Variants in CACNG5 observed in about 807,000 individuals in gnomAD.
CACNG5 encodes the protein calcium voltage-gated channel auxiliary subunit gamma 5.
CACNG5 carries 18 observed loss-of-function variants against 24.8 expected under a neutral mutation model. The observed-to-expected ratio is 0.73, with a 90% CI of 0.50 to 1.08. The LOEUF is 1.08. Among genes scored for constraint, CACNG5 ranks in the 50% least tolerant of loss-of-function variants. The pLI is 0.00. For synonymous variants in CACNG5, 157 were observed against 149.1 expected (o/e 1.05, Z -0.39); for missense variants, 349 against 367.9 (o/e 0.95, Z 0.42).
chr17:66,838,960 CTT>C (rs71160595), intron 1 of CACNG5, among the ~76,000 whole-genome samples: 10 of 88,096 alleles, frequency 1.1e-4, no homozygotes, highest in African/African-American at 2.9e-4. Context: ...CTCACCCATT[CTT>C]TTTTTTTTTT....
chr17:66,840,317 G>A (rs917424717), intron 1 of CACNG5, among the ~76,000 whole-genome samples: 3 of 152,170 alleles, frequency 2.0e-5, no homozygotes, highest in East Asian at 1.9e-4. Context: ...GGAGGTCAGG[G>A]GAAGTTAAGC....
Position 66,880,640 on chromosome 17 carries a change from A to G in CACNG5, c.367A>G (p.Ile123Val). 1 of 1,614,102 alleles carries G rather than the reference A, an allele frequency of 6.2e-7. No homozygotes were observed. ...IGFILNNIGH[I>V]RPHRTILAFV... ...GTTTATCCTGAACAACATCGGACAC[A>G]TCCGTCCCCACCGGACGATACTGGC... The change falls in exon 4 of 6, where the codon ATC becomes GTC. Residue 123 changes from isoleucine (I) to valine (V), a missense_variant. Coordinates refer to ENST00000533854, the MANE Select transcript of CACNG5 (RefSeq NM_145811.3).
intron 5 of CACNG5, 78 bp downstream of exon 5, chr17:66,884,739 G>A: frequency 6.2e-7 from 1 of 1,614,006 alleles, no homozygotes; most frequent in Non-Finnish European, 8.5e-7. Flanking sequence ...GGGGATGGGG[G>A]AGAAGGGACA....
rs1977258887 is a variant in CACNG5 at position 66,886,265 on chromosome 17, GCAAA to G, written c.*1030_*1033del. Among the ~76,000 whole-genome samples, 2 of 152,202 alleles carry G rather than the reference GCAAA, an allele frequency of 1.3e-5. No individual in the cohort carries two copies. The highest frequency in any genetic ancestry group is 1.3e-4 in the Admixed American group (2 of 15,280). ...TGAGGACACCTGGTGCAGCTTGAGT[GCAAA>G]CAAAGGCAGACTTGGAATAATCCAG... On this transcript the variant is annotated 3_prime_UTR_variant, in exon 6 of 6. Transcript: ENST00000533854.
At chr17:66,847,147 C>G (rs1416505909) in intron 1 of CACNG5, among the ~76,000 whole-genome samples, 1 of 152,162 alleles carries the variant, frequency 6.6e-6, no homozygotes, top group East Asian at 1.9e-4. Context: ...CTTGAAGGAG[C>G]TCCATTCTGT....
chr17:66,864,279 T>C (rs575227695), intron 1 of CACNG5, among the ~76,000 whole-genome samples: 6 of 152,304 alleles, frequency 3.9e-5, no homozygotes, highest in East Asian at 1.9e-4. Context: ...ATTTGAAAGA[T>C]TGAGCTATTT....
At chr17:66,852,536 G>A (rs1051682211) in intron 1 of CACNG5, among the ~76,000 whole-genome samples, 4 of 152,080 alleles carry the variant, frequency 2.6e-5, no homozygotes, top group African/African-American at 9.7e-5. Context: ...ACTGAAAATT[G>A]CTGTTTTATG....
At chr17:66,844,233 C>G (rs1247815700) in intron 1 of CACNG5, among the ~76,000 whole-genome samples, 1 of 152,214 alleles carries the variant, frequency 6.6e-6, no homozygotes, top group African/African-American at 2.4e-5. Flanking sequence ...GATCAGGCAT[C>G]CAGCTCTGCT....
chr17:66,867,394 T>C (rs1976945212), intron 1 of CACNG5, among the ~76,000 whole-genome samples: 1 of 152,202 alleles, frequency 6.6e-6, no homozygotes, highest in Admixed American at 6.5e-5. Context: ...GAGTAGATTG[T>C]AAAAACTTTC....
At chr17:66,848,188 C>T (rs534763381) in intron 1 of CACNG5, among the ~76,000 whole-genome samples, 1 of 152,328 alleles carries the variant, frequency 6.6e-6, no homozygotes, top group African/African-American at 2.4e-5. Flanking sequence ...CCCAGCCCTC[C>T]GTGACTGGTT....
At chr17:66,860,473 G>A (rs1976838720) in intron 1 of CACNG5, among the ~76,000 whole-genome samples, 1 of 151,966 alleles carries the variant, frequency 6.6e-6, no homozygotes, top group African/African-American at 2.4e-5. Flanking sequence ...GAGTCAAGAA[G>A]GCAGTGGGTC....
At chr17:66,881,226 C>T (rs1027587978) in intron 4 of CACNG5, among the ~76,000 whole-genome samples, 1 of 152,198 alleles carries the variant, frequency 6.6e-6, no homozygotes, top group African/African-American at 2.4e-5. Flanking sequence ...TGCACAGACT[C>T]CCCTCTGACA....
intron 4 of CACNG5, among the ~76,000 whole-genome samples, chr17:66,881,139 A>G (rs1018807772): frequency 1.3e-5 from 2 of 152,186 alleles, no homozygotes; most frequent in African/African-American, 4.8e-5. Flanking sequence ...TGAGTCAGAG[A>G]TGGAGGAAAC....
intron 1 of CACNG5, among the ~76,000 whole-genome samples, chr17:66,850,497 T>A (rs949999286): frequency 3.3e-5 from 5 of 152,052 alleles, no homozygotes; most frequent in Non-Finnish European, 7.4e-5. Context: ...CCCTCTTCCA[T>A]GAAATGCTCT....
chr17:66,865,683 G>A (rs774727038), intron 1 of CACNG5, among the ~76,000 whole-genome samples: 5 of 148,728 alleles, frequency 3.4e-5, no homozygotes, highest in Non-Finnish European at 7.4e-5. Context: ...AGGCTGCAGT[G>A]TAGTGGCGCG....
intron 1 of CACNG5, among the ~76,000 whole-genome samples, chr17:66,846,730 C>A (rs1976642187): frequency 6.6e-6 from 1 of 152,178 alleles, no homozygotes; most frequent in Admixed American, 6.5e-5. Context: ...GATGAACATT[C>A]ATGTACAAGT....
At chr17:66,871,179 C>T (rs967081110) in intron 1 of CACNG5, among the ~76,000 whole-genome samples, 4 of 152,120 alleles carry the variant, frequency 2.6e-5, no homozygotes, top group African/African-American at 7.2e-5. Context: ...GCCAGAGAAG[C>T]ACTGGGGGTT....
Position 66,837,934 on chromosome 17 carries a change from C to T in CACNG5, c.-104+2684C>T, listed in dbSNP as rs546793571. 7.2e-5 allele frequency among the ~76,000 whole-genome samples: 11 copies of T among 151,958 alleles called. No homozygotes were observed. In the East Asian group the frequency reaches 1.7e-3, roughly 24 times the overall value. The stretch of plus-strand genomic sequence containing the variant: ...GTTGTGAATATCAAGTGGGAATTCT[C>T]GGTGTGAATACAGGGTGGGTGCCAG... On this transcript the variant is annotated intron_variant, in intron 1 of 5. Coordinates refer to ENST00000533854, the MANE Select transcript of CACNG5 (RefSeq NM_145811.3).
At chr17:66,875,299 T>C (rs1977061060) in intron 1 of CACNG5, among the ~76,000 whole-genome samples, 1 of 152,162 alleles carries the variant, frequency 6.6e-6, no homozygotes, top group Non-Finnish European at 1.5e-5. Flanking sequence ...TGGAGAGGGC[T>C]GTTTGGTGTT....
Sources: gnomAD v4.1 joint callset for allele counts (sites outside exome capture counted in the v4.1 genomes callset) on GRCh38, gnomAD v4.1.1 for gene constraint, MANE v1.5 for transcripts, NCBI Gene and HGNC (gene_info 2026-07-23, HGNC 2026-07-21) for gene names.